The following LRRC69 variants were observed in gnomAD, a reference collection of about 807,000 sequenced individuals.
LRRC69 encodes the protein leucine-rich repeat-containing protein 69.
LRRC69 carries 42 observed loss-of-function variants against 37.8 expected under a neutral mutation model. The observed-to-expected ratio is 1.11, with a 90% CI of 0.87 to 1.44. The LOEUF is 1.44. LRRC69 is among the 40% of genes most tolerant of loss of function. The probability of loss-of-function intolerance (pLI) is 0.00; values close to 1 mark genes in which losing one functional copy is unlikely to be tolerated. For synonymous variants in LRRC69, 141 were observed against 143.1 expected, an observed-to-expected ratio of 0.99 and a Z score of 0.11; for missense variants, 357 against 401.9, an observed-to-expected ratio of 0.89 and a Z score of 0.96.
intron 6 of LRRC69, among the ~76,000 whole-genome samples, chr8:91,196,089 C>T (rs1353609678): frequency 6.6e-6 from 1 of 151,958 alleles, no homozygotes; most frequent in Non-Finnish European, 1.5e-5. Flanking sequence ...TATTTTATTT[C>T]TCCTTCACTT....
intron 7 of LRRC69, among the ~76,000 whole-genome samples, chr8:91,216,314 T>G (rs1810046933): frequency 6.6e-6 from 1 of 152,136 alleles, no homozygotes; most frequent in Admixed American, 6.6e-5. Flanking sequence ...GCCCATGCGA[T>G]GTCCTAATGA....
At chr8:91,156,836 A>G (rs1054428405) in intron 5 of LRRC69, among the ~76,000 whole-genome samples, 2 of 150,902 alleles carry the variant, frequency 1.3e-5, no homozygotes, top group South Asian at 4.2e-4. Context: ...TCTTCTGTGT[A>G]TGGATATTCA....
chr8:91,140,072 C>T (rs1314888733), intron 5 of LRRC69, among the ~76,000 whole-genome samples: 1 of 109,048 alleles, frequency 9.2e-6, no homozygotes, highest in African/African-American at 3.8e-5. Flanking sequence ...GCTTCGGCAG[C>T]AAAAGCGAAA....
chr8:91,162,471 T>C (rs1808962179), intron 5 of LRRC69, among the ~76,000 whole-genome samples: 1 of 151,522 alleles, frequency 6.6e-6, no homozygotes, highest in Non-Finnish European at 1.5e-5. Context: ...TGTTATATCC[T>C]CTTACTGAAT....
intron 1 of LRRC69, among the ~76,000 whole-genome samples, chr8:91,110,363 G>T (rs139187995): frequency 6.6e-6 from 1 of 152,070 alleles, no homozygotes; most frequent in Non-Finnish European, 1.5e-5. Flanking sequence ...ATCTGGCCAG[G>T]TGCAGTGGCT....
intron 6 of LRRC69, 46 bp from the exon 7 acceptor site, chr8:91,200,567 A>C: frequency 8.4e-7 from 1 of 1,194,164 alleles, no homozygotes; most frequent in Middle Eastern, 2.0e-4. Flanking sequence ...AATGTAAAAT[A>C]GTTTTGAAAA....
chr8:91,133,822 C>T (rs904061824), intron 4 of LRRC69, among the ~76,000 whole-genome samples: 12 of 151,800 alleles, frequency 7.9e-5, no homozygotes, highest in African/African-American at 1.9e-4. Flanking sequence ...TTAGTAGAGA[C>T]GGGGCTTCAC....
chr8:91,219,216 T>TA (rs1810115779), downstream of LRRC69: 1 of 354,018 alleles, frequency 2.8e-6, no homozygotes, highest in South Asian at 1.5e-4. Context: ...CTTAAAAAAG[T>TA]ACAAAAAAAA....
Position 91,134,353 on chromosome 8 carries a change from G to A in LRRC69, c.579+1048G>A, listed in dbSNP as rs1325374703. ...TTGGAGGTCAAAGGCCTGATTACTG[G>A]GAGGTTGTGGTGGTGGCTGGAGGGG... On this transcript the variant is annotated intron_variant, in intron 4 of 7. Transcript: ENST00000448384. Among the ~76,000 whole-genome samples the A allele has an allele frequency of 2.0e-5, 3 of 151,656 alleles. No homozygotes were observed. The East Asian group carries it at 5.9e-4, about 30-fold the overall frequency.
intron 1 of LRRC69, among the ~76,000 whole-genome samples, chr8:91,119,683 A>C (rs1321653326): frequency 6.6e-6 from 1 of 151,986 alleles, no homozygotes; most frequent in Non-Finnish European, 1.5e-5. Context: ...TTTCAAAGTG[A>C]CTTTTTCCTT....
intron 5 of LRRC69, among the ~76,000 whole-genome samples, chr8:91,168,075 A>G (rs1809060522): frequency 1.3e-5 from 2 of 151,878 alleles, no homozygotes; most frequent in South Asian, 4.1e-4. Flanking sequence ...TGGAGCTTAT[A>G]ATCTAGTAGG....
At chr8:91,118,861 A>G (rs4620242) in intron 1 of LRRC69, among the ~76,000 whole-genome samples, 70,317 of 151,920 alleles carry the variant, frequency 0.46, 17,962 homozygotes, top group South Asian at 0.65. Context: ...GTTCTTTGTT[A>G]GTAAAACACC....
intron 5 of LRRC69, among the ~76,000 whole-genome samples, chr8:91,154,042 G>C (rs1461156899): frequency 6.6e-6 from 1 of 151,716 alleles, no homozygotes; most frequent in Non-Finnish European, 1.5e-5. Context: ...TATCACCACT[G>C]ACCCCAAAGA....
intron 5 of LRRC69, chr8:91,158,237 C>A: frequency 6.3e-7 from 1 of 1,582,008 alleles, no homozygotes; most frequent in Admixed American, 1.7e-5. Flanking sequence ...AGTTAAGGAT[C>A]TCTACAGTGG....
At chr8:91,107,274 A>T (rs577462363) in intron 1 of LRRC69, among the ~76,000 whole-genome samples, 2 of 151,772 alleles carry the variant, frequency 1.3e-5, no homozygotes, top group East Asian at 3.9e-4. Flanking sequence ...GGCTGGGATT[A>T]CAGGCACCTG....
At chr8:91,195,714 C>G (rs887865692) in intron 6 of LRRC69, among the ~76,000 whole-genome samples, 1 of 152,144 alleles carries the variant, frequency 6.6e-6, no homozygotes, top group African/African-American at 2.4e-5. Context: ...TTCCTGCATC[C>G]TTTTATTTTG....
intron 6 of LRRC69, among the ~76,000 whole-genome samples, chr8:91,198,035 G>A (rs1289327160): frequency 1.3e-5 from 2 of 152,160 alleles, no homozygotes; most frequent in Non-Finnish European, 2.9e-5. Flanking sequence ...TGGGCATTTA[G>A]TCAATGTTAC....
At chr8:91,197,386 C>T (rs550428418) in intron 6 of LRRC69, among the ~76,000 whole-genome samples, 40 of 152,264 alleles carry the variant, frequency 2.6e-4, no homozygotes, top group East Asian at 2.5e-3. Flanking sequence ...CGAGCTTCCC[C>T]GGCTGCTTTG....
chr8:91,158,218 T>C (rs529644310), intron 5 of LRRC69: 3 of 1,598,890 alleles, frequency 1.9e-6, no homozygotes, highest in African/African-American at 2.7e-5. Context: ...ACTATTCAAC[T>C]GTGGATCAAG....
Sources: gnomAD v4.1 joint callset for allele counts (sites outside exome capture counted in the v4.1 genomes callset) on GRCh38, gnomAD v4.1.1 for gene constraint, MANE v1.5 for transcripts, NCBI Gene and HGNC (gene_info 2026-07-23, HGNC 2026-07-21) for gene names.